ZNF676: variants seen among roughly 807,000 people sequenced by gnomAD.
The protein encoded by ZNF676 is zinc finger protein 676.
In ZNF676, 4 loss-of-function variants were observed where a neutral mutation model predicts 6.0. The ratio of observed to expected loss-of-function variants is 0.67; its 90% confidence interval spans 0.33 to 1.53. The LOEUF is 1.53. Among genes scored for constraint, ZNF676 ranks in the 40% most tolerant of loss-of-function variants. The pLI is 0.06. For synonymous variants in ZNF676, 198 were observed against 223.1 expected, an observed-to-expected ratio of 0.89 and a Z score of 1.00; for missense variants, 644 against 679.7, an observed-to-expected ratio of 0.95 and a Z score of 0.58.
At chr19:22,205,464 G>C (rs982900329) in intron 1 of ZNF676, among the ~76,000 whole-genome samples, 1 of 152,020 alleles carries the variant, frequency 6.6e-6, no homozygotes, top group African/African-American at 2.4e-5. Flanking sequence ...CACACACACA[G>C]TTTACAGCTT....
chr19:22,256,142 C>A, the ZNF676 span, among the ~76,000 whole-genome samples: 1 of 152,230 alleles, frequency 6.6e-6, no homozygotes, highest in South Asian at 2.1e-4. Context: ...AAATAGGAGA[C>A]CCTGAATCTT....
At chr19:22,246,203 CT>C in the ZNF676 span, among the ~76,000 whole-genome samples, 1 of 152,178 alleles carries the variant, frequency 6.6e-6, no homozygotes, top group East Asian at 1.9e-4. Flanking sequence ...CATAATACCC[CT>C]GTAGGCAGGG....
chr19:22,192,817 G>A (rs377431282), intron 2 of ZNF676, among the ~76,000 whole-genome samples, 199 bp downstream of exon 2: 96 of 152,304 alleles, frequency 6.3e-4, no homozygotes, highest in Non-Finnish European at 9.4e-4. Flanking sequence ...TTACTTAAGG[G>A]AAAGAAGAAT....
chr19:22,253,368 G>GTATATATA, the ZNF676 span, among the ~76,000 whole-genome samples: 6 of 59,198 alleles, frequency 1.0e-4, no homozygotes, highest in East Asian at 6.7e-4. Context: ...GTGTGTGTGT[G>GTATATATA]TGTGTATATA....
At chr19:22,185,212 TA>T (rs2023819716) in intron 2 of ZNF676, among the ~76,000 whole-genome samples, 1 of 152,122 alleles carries the variant, frequency 6.6e-6, no homozygotes, top group Non-Finnish European at 1.5e-5. Flanking sequence ...CTGCTGGTGA[TA>T]CCCAGGAAAA....
intron 2 of ZNF676, among the ~76,000 whole-genome samples, chr19:22,184,853 G>T: frequency 9.9e-6 from 1 of 101,326 alleles, no homozygotes; most frequent in South Asian, 3.5e-4. Context: ...AAAAAAAAAA[G>T]GCAGCAGCCA....
At chr19:22,186,791 A>G (rs2023845825) in intron 2 of ZNF676, among the ~76,000 whole-genome samples, 1 of 152,244 alleles carries the variant, frequency 6.6e-6, no homozygotes, top group South Asian at 2.1e-4. Context: ...AAAGATGGGC[A>G]TTACATAATG....
At chr19:22,250,973 T>A in the ZNF676 span, among the ~76,000 whole-genome samples, 1 of 152,016 alleles carries the variant, frequency 6.6e-6, no homozygotes, top group Non-Finnish European at 1.5e-5. Flanking sequence ...TGGTCTCCCA[T>A]AGTGCTGGGA....
chr19:22,199,245 A>G (rs753686194), upstream of ZNF676, among the ~76,000 whole-genome samples: 2 of 152,208 alleles, frequency 1.3e-5, no homozygotes, highest in Non-Finnish European at 2.9e-5. Context: ...GTCAATAATG[A>G]TGTTGCTCCC....
chr19:22,224,273 T>C, the ZNF676 span, among the ~76,000 whole-genome samples: 1 of 151,298 alleles, frequency 6.6e-6, no homozygotes, highest in African/African-American at 2.4e-5. Flanking sequence ...TTAATATCAG[T>C]GAATTTTTTT....
chr19:22,247,777 C>T, the ZNF676 span, among the ~76,000 whole-genome samples: 1 of 152,142 alleles, frequency 6.6e-6, no homozygotes, highest in African/African-American at 2.4e-5. Flanking sequence ...TCCCTGTGCT[C>T]TTTGCTGACA....
At chr19:22,202,112 A>G (rs1479976679) in intron 1 of ZNF676, among the ~76,000 whole-genome samples, 1 of 152,096 alleles carries the variant, frequency 6.6e-6, no homozygotes, top group Non-Finnish European at 1.5e-5. Flanking sequence ...CTGCATGGGT[A>G]AAGTAGCAGC....
chr19:22,234,368 C>T, the ZNF676 span, among the ~76,000 whole-genome samples: 1 of 152,142 alleles, frequency 6.6e-6, no homozygotes. Context: ...TGAGCCACTT[C>T]CTCATGTAAC....
chr19:22,227,073 G>T, the ZNF676 span, among the ~76,000 whole-genome samples: 1 of 151,980 alleles, frequency 6.6e-6, no homozygotes, highest in Non-Finnish European at 1.5e-5. Context: ...ATGCTGAAAA[G>T]CATCCCACTT....
chr19:22,245,143 G>T, the ZNF676 span: 4 of 152,132 alleles, frequency 2.6e-5, no homozygotes, highest in East Asian at 7.8e-4. Flanking sequence ...ATTCCCTTGA[G>T]AGGTGAGCCC....
At chr19:22,200,280 A>T (rs2144785795), upstream of ZNF676, among the ~76,000 whole-genome samples, 1 of 152,244 alleles carries the variant, frequency 6.6e-6, no homozygotes, top group African/African-American at 2.4e-5. Context: ...GAAGAAAAAT[A>T]AGTATTCTTA....
At chr19:22,190,259 C>G (rs1342148585) in intron 2 of ZNF676, among the ~76,000 whole-genome samples, 1 of 152,020 alleles carries the variant, frequency 6.6e-6, no homozygotes, top group African/African-American at 2.4e-5. Context: ...TCTCAGCAAA[C>G]TAACACAAGA....
chr19:22,254,339 T>C, the ZNF676 span, among the ~76,000 whole-genome samples: 1 of 152,012 alleles, frequency 6.6e-6, no homozygotes, highest in Admixed American at 6.6e-5. Flanking sequence ...ATTACAACAT[T>C]TTCTGTGGGC....
upstream of ZNF676, among the ~76,000 whole-genome samples, chr19:22,201,197 T>C (rs917624122): frequency 6.6e-6 from 1 of 152,216 alleles, no homozygotes; most frequent in Non-Finnish European, 1.5e-5. Context: ...GGTATAGTTG[T>C]GGTGTGGCTC....
Sources: allele counts gnomAD v4.1 joint callset (sites outside exome capture counted in the v4.1 genomes callset), GRCh38; gene constraint gnomAD v4.1.1; transcripts MANE v1.5; gene names NCBI Gene and HGNC (gene_info 2026-07-23, HGNC 2026-07-21).